FMN2: variants seen among roughly 807,000 people sequenced by gnomAD.
FMN2 encodes the protein formin-2.
In FMN2, 51 loss-of-function variants were observed where a neutral mutation model predicts 142.3. That is an observed-to-expected ratio of 0.36 (90% CI 0.29 to 0.45). FMN2 has a LOEUF of 0.45. Among genes scored for constraint, FMN2 ranks in the 20% least tolerant of loss-of-function variants. The pLI, the probability that FMN2 is intolerant of heterozygous loss-of-function variation, is 1.00. For synonymous variants in FMN2, 882 were observed against 869.8 expected, an observed-to-expected ratio of 1.01 and a Z score of -0.25; for missense variants, 1,936 against 2,122.8, an observed-to-expected ratio of 0.91 and a Z score of 1.73.
At chr1:240,382,467 C>G (rs1673256868) in intron 14 of FMN2, among the ~76,000 whole-genome samples, 1 of 152,034 alleles carries the variant, frequency 6.6e-6, no homozygotes, top group Non-Finnish European at 1.5e-5. Context: ...TCGAGACCAG[C>G]CTGGCCAACA....
At chr1:240,337,375 T>C (rs958096699) in intron 13 of FMN2, among the ~76,000 whole-genome samples, 3 of 151,898 alleles carry the variant, frequency 2.0e-5, no homozygotes, top group African/African-American at 7.3e-5. Context: ...TGCCACCACT[T>C]CCAGCTAATT....
At chr1:240,182,500 A>T (rs1665193759) in intron 3 of FMN2, among the ~76,000 whole-genome samples, 1 of 152,258 alleles carries the variant, frequency 6.6e-6, no homozygotes, top group East Asian at 1.9e-4. Flanking sequence ...ATGGCAGAAG[A>T]TTTTCATGTG....
chr1:240,091,925 CATT>C lies in FMN2; in HGVS notation c.-182_-180del. Reference sequence around the variant, plus strand: ...GACGGCAGCCACGGGAGCCGCCGCGCATTATGCAAAGCGGCGGCAGATGCGAGC... The same window carrying C: ...GACGGCAGCCACGGGAGCCGCCGCGCATGCAAAGCGGCGGCAGATGCGAGC... On this transcript the variant is annotated 5_prime_UTR_variant, in exon 1 of 18. The change creates a new upstream start codon in the 5' untranslated region. Coordinates refer to ENST00000319653, the MANE Select transcript of FMN2 (RefSeq NM_020066.5). 9.8e-7 allele frequency: 1 copy of C among 1,024,778 alleles called. No individual in the cohort carries two copies. The highest frequency in any genetic ancestry group is 2.4e-5 in the South Asian group (1 of 40,976). The allele number at this position is 1,024,778 out of a possible 1,614,324, so 63.5% of individuals were successfully genotyped here.
At chr1:240,471,177 T>C (rs1474390084) in intron 16 of FMN2, among the ~76,000 whole-genome samples, 1 of 152,176 alleles carries the variant, frequency 6.6e-6, no homozygotes, top group Non-Finnish European at 1.5e-5. Flanking sequence ...CAAGAAATAC[T>C]AGAAACATTA....
intron 3 of FMN2, chr1:240,179,430 G>T (rs1025539925): frequency 1.3e-5 from 2 of 152,102 alleles, no homozygotes; most frequent in African/African-American, 4.8e-5. Flanking sequence ...GAGATGTCCA[G>T]TGCTTTTGAA....
Position 240,208,733 on chromosome 1 carries a change from G to T in FMN2, c.3920+1G>T, listed in dbSNP as rs780041884. ...CCAGGATTCAACTACATAGTAAAAG[G>T]TAACATGAAAGTGAGCTCGTCTTTG... On this transcript the variant is annotated splice_donor_variant, in intron 5 of 17. Coordinates refer to ENST00000319653, the MANE Select transcript of FMN2 (RefSeq NM_020066.5). LOFTEE classifies it high-confidence loss of function. 1 of 1,603,094 alleles carries T rather than the reference G, an allele frequency of 6.2e-7. No individual in the cohort carries two copies. The highest frequency in any genetic ancestry group is 1.1e-5 in the South Asian group (1 of 90,736).
intron 1 of FMN2, among the ~76,000 whole-genome samples, chr1:240,118,605 G>A (rs879478053): frequency 3.3e-5 from 5 of 152,152 alleles, no homozygotes; most frequent in Admixed American, 2.0e-4. Flanking sequence ...GTAAACTTTG[G>A]AATTGATCTT....
chr1:240,462,551 A>T (rs1676479901), intron 16 of FMN2, among the ~76,000 whole-genome samples: 1 of 152,210 alleles, frequency 6.6e-6, no homozygotes, highest in Admixed American at 6.5e-5. Context: ...ATTTCAATCT[A>T]AGCCTAGTTG....
At chr1:240,115,653 CCTG>C (rs1236559186) in intron 1 of FMN2, among the ~76,000 whole-genome samples, 1 of 152,092 alleles carries the variant, frequency 6.6e-6, no homozygotes, top group Non-Finnish European at 1.5e-5. Context: ...CCCCAGTCCT[CCTG>C]CTATTACAAT....
intron 13 of FMN2, among the ~76,000 whole-genome samples, chr1:240,352,864 A>G (rs539135414): frequency 6.6e-6 from 1 of 152,368 alleles, no homozygotes; most frequent in East Asian, 1.9e-4. Context: ...TACAGCCCAC[A>G]GGAAGTTGAC....
At chr1:240,431,449 T>C (rs373872673) in intron 15 of FMN2, among the ~76,000 whole-genome samples, 1 of 148,578 alleles carries the variant, frequency 6.7e-6, no homozygotes, top group African/African-American at 2.5e-5. Flanking sequence ...CATATATATG[T>C]TTTATTTCTT....
intron 8 of FMN2, among the ~76,000 whole-genome samples, chr1:240,323,195 C>CTT (rs1477414527): frequency 2.1e-5 from 3 of 146,166 alleles, no homozygotes; most frequent in African/African-American, 7.6e-5. Context: ...TTCTTTCTTT[C>CTT]TCTCTCTCTC....
At chr1:240,314,762 G>A (rs545430057) in intron 8 of FMN2, among the ~76,000 whole-genome samples, 2 of 152,216 alleles carry the variant, frequency 1.3e-5, no homozygotes, top group Admixed American at 6.5e-5. Flanking sequence ...TTGCTCAGGA[G>A]AACATGAATT....
At chr1:240,251,469 T>A (rs1668276415) in intron 6 of FMN2, among the ~76,000 whole-genome samples, 1 of 152,170 alleles carries the variant, frequency 6.6e-6, no homozygotes, top group African/African-American at 2.4e-5. Flanking sequence ...TAAAATGTGT[T>A]GATATTTTTG....
intron 15 of FMN2, among the ~76,000 whole-genome samples, chr1:240,411,881 C>T (rs757669786): frequency 2.6e-5 from 4 of 152,032 alleles, no homozygotes; most frequent in African/African-American, 4.8e-5. Context: ...ATAAGCCAGC[C>T]GTGTAGAAAT....
intron 2 of FMN2, among the ~76,000 whole-genome samples, chr1:240,177,057 C>T (rs1199498477): frequency 6.6e-6 from 1 of 152,166 alleles, no homozygotes; most frequent in Non-Finnish European, 1.5e-5. Flanking sequence ...CTGTTCTTCT[C>T]TTTGCTTTAC....
Position 240,266,260 on chromosome 1 carries a change from C to A in FMN2, c.4153+8228C>A, listed in dbSNP as rs1668800182. Among the ~76,000 whole-genome samples, 3 of 151,824 alleles carry A rather than the reference C, an allele frequency of 2.0e-5. No individual in the cohort carries two copies. In the South Asian group the frequency reaches 6.2e-4, roughly 32 times the overall value. ...CCATGTGTACCCAATGTTTAGCTCC[C>A]AGTTATAAGTTAGAGCTAGTGGTGA... is the stretch of plus-strand genomic sequence containing the variant. On this transcript the variant is annotated intron_variant, in intron 7 of 17. Transcript: ENST00000319653.
rs184813049 is a variant in FMN2, at chr1:240,304,787, G to A, written c.4215+9904G>A. On this transcript the variant is annotated intron_variant, in intron 8 of 17. Transcript: ENST00000319653. ...GCTCACTTTGGCTCCTGCAGGCTGT[G>A]TGCAGGTTGCTCCAGAAGCGCGTGC... Among the ~76,000 whole-genome samples the A allele has an allele frequency of 2.3e-3, 352 of 152,324 alleles. 3 individuals are homozygous for A. The highest frequency in any genetic ancestry group is 8.1e-3 in the African/African-American group (335 of 41,588).
In FMN2 at chr1:240,093,082, T is replaced by A; in HGVS notation, c.973T>A (p.Phe325Ile). 2 of 1,393,080 alleles carry A rather than the reference T, an allele frequency of 1.4e-6. No individual in the cohort carries two copies. Among genetic ancestry groups the A allele is most frequent in the South Asian group, 3.3e-5 (2 of 61,254 alleles). The allele number at this position is 1,393,080 out of a possible 1,614,324, so 86.3% of individuals were successfully genotyped here. Residue 325 changes from phenylalanine (F) to isoleucine (I), a missense_variant, in exon 1 of 18, where the codon TTT becomes ATT. This residue lies in a region of FMN2 where 751 missense variants were observed against 791.8 expected (regional missense o/e 0.95). Transcript: ENST00000319653. ...KDSPSSTAFP[F>I]PEAGPGEEAA... The stretch of plus-strand genomic sequence containing the variant: ...CTCGCCCTCCTCCACGGCTTTCCCA[T>A]TTCCCGAGGCCGGGCCGGGGGAGGA...
Sources: allele counts gnomAD v4.1 joint callset (sites outside exome capture counted in the v4.1 genomes callset), GRCh38; gene constraint gnomAD v4.1.1; regional missense constraint gnomAD v4.1.1; transcripts MANE v1.5; gene names NCBI Gene and HGNC (gene_info 2026-07-23, HGNC 2026-07-21).